Variants in LRFN5 observed in about 807,000 individuals in gnomAD.
The protein encoded by LRFN5 is leucine-rich repeat and fibronectin type-III domain-containing protein 5.
LRFN5 carries 24 observed loss-of-function variants against 45.6 expected under a neutral mutation model. The observed-to-expected ratio is 0.53, with a 90% CI of 0.38 to 0.74. The LOEUF is 0.74. Ranked by LOEUF, LRFN5 falls within the 30% of genes least tolerant of loss-of-function variation. LRFN5 has a pLI of 0.00. For synonymous variants in LRFN5, 340 were observed against 313.8 expected, an observed-to-expected ratio of 1.08 and a Z score of -0.88; for missense variants, 776 against 861.5, an observed-to-expected ratio of 0.90 and a Z score of 1.24.
intron 2 of LRFN5, among the ~76,000 whole-genome samples, chr14:41,781,558 G>GAGAAAGAAAGAAAGAAAGAAAGAAAGAA (rs55859357): frequency 2.8e-5 from 3 of 106,934 alleles, no homozygotes; most frequent in African/African-American, 1.1e-4. Flanking sequence ...AGAAAAGAAA[G>GAGAAAGAAAGAAAGAAAGAAAGAAAGAA]AGAAAGAAAG....
chr14:41,786,521 A>C (rs1054434948), intron 2 of LRFN5, among the ~76,000 whole-genome samples: 2 of 138,692 alleles, frequency 1.4e-5, no homozygotes, highest in East Asian at 4.6e-4. Flanking sequence ...TTCTAGCTGT[A>C]TTTGAATTTT....
intron 1 of LRFN5, among the ~76,000 whole-genome samples, chr14:41,765,285 T>C (rs149341355): frequency 6.9e-6 from 1 of 144,762 alleles, no homozygotes; most frequent in African/African-American, 2.6e-5. Flanking sequence ...GAGGTTGCAG[T>C]GAGCCGAGAT....
At chr14:41,658,588 C>T (rs888548576) in intron 1 of LRFN5, among the ~76,000 whole-genome samples, 1 of 151,780 alleles carries the variant, frequency 6.6e-6, no homozygotes. Flanking sequence ...ACTTATAATG[C>T]ACTTCATAGA....
In LRFN5 at chr14:41,834,968, C is replaced by G. The variant is rs944749835; in HGVS notation, c.-20-51638C>G. ...ATGAGCCACCACACCCAGCCTGGGACTGACATTTGAATGTTAGTCTCCAGT... is the reference window on the plus strand; with the variant it reads ...ATGAGCCACCACACCCAGCCTGGGAGTGACATTTGAATGTTAGTCTCCAGT... On this transcript the variant is annotated intron_variant, in intron 2 of 5. Coordinates refer to ENST00000298119, the MANE Select transcript of LRFN5 (RefSeq NM_152447.5). Among the ~76,000 whole-genome samples, 199 of 150,044 alleles carry G rather than the reference C, an allele frequency of 1.3e-3. 1 individual carries two copies. The highest frequency in any genetic ancestry group is 5.0e-4 in the Non-Finnish European group (34 of 67,730).
chr14:41,865,371 G>T (rs537433323), intron 2 of LRFN5, among the ~76,000 whole-genome samples: 29 of 151,972 alleles, frequency 1.9e-4, no homozygotes, highest in African/African-American at 6.5e-4. Context: ...TGATTTCAAG[G>T]TTCATTTATG....
In LRFN5 at chr14:41,606,888, G is replaced by A. The variant is rs1887500852; in HGVS notation, c.-1871G>A. Among the ~76,000 whole-genome samples the A allele has an allele frequency of 6.6e-6, 1 of 151,948 alleles. No homozygotes were observed. The highest frequency in any genetic ancestry group is 1.5e-5 in the Non-Finnish European group (1 of 67,958). The stretch of plus-strand genomic sequence containing the variant: ...CGCGCCCGCCGCCGCCGCCGCCGCC[G>A]CCTTCATGCTGCAGCGCAGGGCTCA... On this transcript the variant is annotated 5_prime_UTR_variant, in exon 1 of 6. Transcript: ENST00000298119.
In LRFN5 at chr14:41,780,109, G is replaced by A. The variant is rs981544756; in HGVS notation, c.-21+13080G>A. 1.3e-4 allele frequency among the ~76,000 whole-genome samples: 19 copies of A among 151,436 alleles called. 1 individual carries two copies. Among genetic ancestry groups the A allele is most frequent in the African/African-American group, 3.9e-4 (16 of 41,282 alleles). On this transcript the variant is annotated intron_variant, in intron 2 of 5. Coordinates refer to ENST00000298119, the MANE Select transcript of LRFN5 (RefSeq NM_152447.5). ...TATCTCCGTAGGCAGTGCTTTCACT[G>A]GTTTTGTTAAGTTATGGTTTAAGTT...
chr14:41,865,460 C>T lies in LRFN5; in HGVS notation c.-20-21146C>T, dbSNP rs553496523. Among the ~76,000 whole-genome samples the T allele has an allele frequency of 3.9e-5, 6 of 152,248 alleles. No homozygotes were observed. The South Asian group carries it at 8.3e-4, about 21-fold the overall frequency. On this transcript the variant is annotated intron_variant, in intron 2 of 5. Transcript: ENST00000298119. ...TGTGAATATGCCAGGTTTTATTAATCCATTCATCAGCCGATAGACATTTGA... is the reference window on the plus strand; with the variant it reads ...TGTGAATATGCCAGGTTTTATTAATTCATTCATCAGCCGATAGACATTTGA...
chr14:41,691,048 G>A (rs1882358737), intron 1 of LRFN5, among the ~76,000 whole-genome samples: 1 of 151,762 alleles, frequency 6.6e-6, no homozygotes, highest in Admixed American at 6.6e-5. Flanking sequence ...TCAATTTTAT[G>A]TCTGTTTATA....
At chr14:41,804,149 C>A (rs566830578) in intron 2 of LRFN5, among the ~76,000 whole-genome samples, 1 of 152,240 alleles carries the variant, frequency 6.6e-6, no homozygotes, top group South Asian at 2.1e-4. Context: ...TCGTGAGCCA[C>A]CGTGCCTGGC....
chr14:41,894,702 T>C (rs1283007181), intron 4 of LRFN5: 1 of 985,164 alleles, frequency 1.0e-6, no homozygotes, highest in Non-Finnish European at 1.2e-6. Flanking sequence ...GTCTGAAACA[T>C]AATTGTTGCT....
Position 41,891,471 on chromosome 14 carries a change from T to C in LRFN5, c.1607T>C (p.Ile536Thr). The C allele has an allele frequency of 1.2e-6, 2 of 1,614,180 alleles. No homozygotes were observed. Among genetic ancestry groups the C allele is most frequent in the Non-Finnish European group, 1.7e-6 (2 of 1,180,022 alleles). The part of the protein sequence containing the change: ...GGTMIIIIGG[I>T]IVASVLVFII... ...ACCATGATTATTATTATTGGTGGAA[T>C]CATTGTAGCATCTGTGCTGGTATTC... The change falls in exon 4 of 6, where the codon ATC (isoleucine) becomes ACC (threonine). Residue 536 changes from isoleucine (I) to threonine (T), a missense_variant. Physicochemically the swap from Ile to Thr is moderately conservative, Grantham distance 89. This residue lies in a region of LRFN5 where 465 missense variants were observed against 456.4 expected (regional missense o/e 1.02). Coordinates refer to ENST00000298119, the MANE Select transcript of LRFN5 (RefSeq NM_152447.5).
intron 1 of LRFN5, among the ~76,000 whole-genome samples, chr14:41,762,474 A>G (rs909301933): frequency 2.6e-5 from 4 of 152,102 alleles, no homozygotes; most frequent in African/African-American, 9.7e-5. Context: ...TAACAAATGC[A>G]TTTTCATATT....
intron 1 of LRFN5, among the ~76,000 whole-genome samples, chr14:41,649,620 C>T (rs575672878): frequency 1.3e-5 from 2 of 152,264 alleles, no homozygotes; most frequent in East Asian, 1.9e-4. Context: ...ATCCCCCATC[C>T]TCAATATCTG....
chr14:41,791,731 A>T (rs2138945526), intron 2 of LRFN5, among the ~76,000 whole-genome samples: 1 of 152,224 alleles, frequency 6.6e-6, no homozygotes, highest in South Asian at 2.1e-4. Flanking sequence ...CATTAAGAGG[A>T]TTATTTAATC....
intron 2 of LRFN5, among the ~76,000 whole-genome samples, chr14:41,819,025 A>G (rs894328302): frequency 1.3e-5 from 2 of 152,158 alleles, no homozygotes; most frequent in South Asian, 2.1e-4. Context: ...TTTACTTAAG[A>G]TAATAGCCTC....
intron 1 of LRFN5, among the ~76,000 whole-genome samples, chr14:41,673,333 C>T (rs1842164365): frequency 6.9e-6 from 1 of 144,674 alleles, no homozygotes; most frequent in African/African-American, 2.5e-5. Context: ...AGGCGGCTGG[C>T]CGGGCGGGGG....
chr14:41,656,631 T>C (rs1458915777), intron 1 of LRFN5, among the ~76,000 whole-genome samples: 1 of 151,868 alleles, frequency 6.6e-6, no homozygotes, highest in Non-Finnish European at 1.5e-5. Context: ...TACCTTAGTG[T>C]ACTTTAGATA....
chr14:41,783,861 TCTTA>T (rs1421406353), intron 2 of LRFN5, among the ~76,000 whole-genome samples: 8 of 152,258 alleles, frequency 5.3e-5, no homozygotes, highest in African/African-American at 1.7e-4. Flanking sequence ...TAATAGAGGT[TCTTA>T]CTTTTAATGT....
Sources: gnomAD v4.1 joint callset for allele counts (sites outside exome capture counted in the v4.1 genomes callset) on GRCh38, gnomAD v4.1.1 for gene constraint, gnomAD v4.1.1 regional missense constraint, MANE v1.5 for transcripts, NCBI Gene and HGNC (gene_info 2026-07-23, HGNC 2026-07-21) for gene names.